TAFA4: variants seen among roughly 807,000 people sequenced by gnomAD.
TAFA4 encodes the protein TAFA chemokine like family member 4, also known as chemokine-like protein TAFA-4.
A neutral mutation model predicts 21.1 loss-of-function variants in TAFA4; 20 were observed. The observed-to-expected ratio is 0.95, with a 90% CI of 0.67 to 1.38. The LOEUF is 1.38. Among genes scored for constraint, TAFA4 ranks in the 40% most tolerant of loss-of-function variants. TAFA4 has a pLI of 0.00. For synonymous variants in TAFA4, 71 were observed against 67.4 expected, an observed-to-expected ratio of 1.05 and a Z score of -0.26; for missense variants, 211 against 180.9, an observed-to-expected ratio of 1.17 and a Z score of -0.95.
At chr3:68,830,374 T>G (rs1273185567) in intron 3 of TAFA4, among the ~76,000 whole-genome samples, 1 of 152,222 alleles carries the variant, frequency 6.6e-6, no homozygotes. Context: ...TTCCAGAGAT[T>G]CTGGTACATT....
At chr3:68,827,056 C>G (rs1441556903) in intron 3 of TAFA4, among the ~76,000 whole-genome samples, 1 of 142,762 alleles carries the variant, frequency 7.0e-6, no homozygotes, top group African/African-American at 2.6e-5. Flanking sequence ...CCCCAACAGG[C>G]CCCTGTGTGT....
chr3:68,735,153 C>A (rs1214879420), intron 5 of TAFA4, among the ~76,000 whole-genome samples: 1 of 151,758 alleles, frequency 6.6e-6, no homozygotes, highest in African/African-American at 2.4e-5. Flanking sequence ...GTAAAGGAGT[C>A]ATCTGAGCTG....
At chr3:68,800,271 G>A (rs969359800) in intron 3 of TAFA4, among the ~76,000 whole-genome samples, 6 of 152,062 alleles carry the variant, frequency 3.9e-5, no homozygotes, top group African/African-American at 1.4e-4. Context: ...GGGAACCACT[G>A]CCCTAGAGCA....
At chr3:68,809,809 T>C (rs1259845302) in intron 3 of TAFA4, among the ~76,000 whole-genome samples, 1 of 152,186 alleles carries the variant, frequency 6.6e-6, no homozygotes, top group Non-Finnish European at 1.5e-5. Context: ...TATTGAGAGA[T>C]TGCCCTTTCC....
At chr3:68,789,058 C>G (rs927483358) in intron 3 of TAFA4, among the ~76,000 whole-genome samples, 6 of 151,858 alleles carry the variant, frequency 4.0e-5, no homozygotes, top group African/African-American at 1.5e-4. Flanking sequence ...ATGGTGAGAC[C>G]CCGTCTCTAC....
intron 3 of TAFA4, among the ~76,000 whole-genome samples, chr3:68,874,456 T>C (rs2089523308): frequency 6.6e-6 from 1 of 152,156 alleles, no homozygotes; most frequent in African/African-American, 2.4e-5. Context: ...ATTTTCCTTA[T>C]AGGGAACAAA....
At chr3:68,813,286 C>A (rs1411155792) in intron 3 of TAFA4, among the ~76,000 whole-genome samples, 1 of 152,064 alleles carries the variant, frequency 6.6e-6, no homozygotes, top group Non-Finnish European at 1.5e-5. Context: ...AGAGCAAACA[C>A]ATTCAAAAGC....
At chr3:68,779,378 T>C (rs1195309544) in intron 3 of TAFA4, among the ~76,000 whole-genome samples, 2 of 152,202 alleles carry the variant, frequency 1.3e-5, no homozygotes, top group Admixed American at 6.5e-5. Context: ...GAACCGAATG[T>C]TAATCACCAA....
Position 68,864,925 on chromosome 3 carries a change from CA to C in TAFA4, c.130+15804del, listed in dbSNP as rs755761734. Among the ~76,000 whole-genome samples the C allele has an allele frequency of 7.3e-5, 11 of 150,808 alleles. No homozygotes were observed. In the South Asian group the frequency reaches 8.4e-4, roughly 12 times the overall value. ...AAAATGCAAACTCATCTACAGTGAC[CA>C]AAAAAAAATCTGTGGTTGCCTAGGG... On this transcript the variant is annotated intron_variant, in intron 3 of 5. Coordinates refer to ENST00000295569, the MANE Select transcript of TAFA4 (RefSeq NM_182522.5).
At chr3:68,770,475 A>T (rs965413263) in intron 3 of TAFA4, among the ~76,000 whole-genome samples, 6 of 152,254 alleles carry the variant, frequency 3.9e-5, no homozygotes, top group African/African-American at 1.4e-4. Context: ...TTTTATAAAA[A>T]TAAAAGCAAT....
chr3:68,833,687 A>T (rs1222969023), intron 3 of TAFA4, among the ~76,000 whole-genome samples: 1 of 152,214 alleles, frequency 6.6e-6, no homozygotes, highest in African/African-American at 2.4e-5. Flanking sequence ...ACTTTAAATA[A>T]AAGTTTTTCT....
chr3:68,894,152 T>G (rs1224377600), intron 1 of TAFA4, among the ~76,000 whole-genome samples: 1 of 151,678 alleles, frequency 6.6e-6, no homozygotes. Context: ...TTCCTGTTAC[T>G]TGTTACTTTT....
chr3:68,926,647 TCAGGCCTGTAATCC>T (rs925272385), intron 1 of TAFA4, among the ~76,000 whole-genome samples: 1 of 152,146 alleles, frequency 6.6e-6, no homozygotes, highest in African/African-American at 2.4e-5. Context: ...GCGTGGTGGC[TCAGGCCTGTAATCC>T]CAGCACTTTG....
intron 1 of TAFA4, among the ~76,000 whole-genome samples, chr3:68,910,554 A>C (rs753489798): frequency 6.6e-6 from 1 of 152,242 alleles, no homozygotes; most frequent in South Asian, 2.1e-4. Flanking sequence ...CCAGAGATAT[A>C]CTTAAGAATT....
chr3:68,853,315 G>C (rs2106912251), intron 3 of TAFA4, among the ~76,000 whole-genome samples: 1 of 152,194 alleles, frequency 6.6e-6, no homozygotes, highest in Non-Finnish European at 1.5e-5. Flanking sequence ...TTTTGAATAT[G>C]GGAAAGTGTG....
chr3:68,847,507 G>A (rs1704835059), intron 3 of TAFA4, among the ~76,000 whole-genome samples: 2 of 152,216 alleles, frequency 1.3e-5, no homozygotes, highest in African/African-American at 4.8e-5. Context: ...TTCCAGGGTA[G>A]TGAATGGTTC....
chr3:68,853,449 C>A (rs1394602360), intron 3 of TAFA4, among the ~76,000 whole-genome samples: 4 of 152,080 alleles, frequency 2.6e-5, no homozygotes, highest in Admixed American at 2.0e-4. Context: ...TCTCTGCCTA[C>A]TGGTAGAGAC....
At chr3:68,814,616 GGAC>G (rs1486480555) in intron 3 of TAFA4, among the ~76,000 whole-genome samples, 1 of 152,068 alleles carries the variant, frequency 6.6e-6, no homozygotes, top group African/African-American at 2.4e-5. Flanking sequence ...GGAATGTGAA[GGAC>G]CTCTTCAAGG....
intron 1 of TAFA4, among the ~76,000 whole-genome samples, chr3:68,929,051 A>G (rs988567966): frequency 6.6e-6 from 1 of 152,012 alleles, no homozygotes; most frequent in Non-Finnish European, 1.5e-5. Context: ...ACTGTACAAC[A>G]GGAAGAATTT....
Sources: allele counts gnomAD v4.1 joint callset (sites outside exome capture counted in the v4.1 genomes callset), GRCh38; gene constraint gnomAD v4.1.1; transcripts MANE v1.5; gene names NCBI Gene and HGNC (gene_info 2026-07-23, HGNC 2026-07-21).